HLA-DQA1: variants seen among roughly 807,000 people sequenced by gnomAD.
HLA-DQA1 encodes major histocompatibility complex, class II, DQ alpha 1.
Under a neutral mutation model 20.7 loss-of-function variants are expected in HLA-DQA1, and 10 were observed. That is an observed-to-expected ratio of 0.48 (90% confidence interval 0.30 to 0.82). HLA-DQA1 has a LOEUF of 0.82. Ranked by LOEUF, HLA-DQA1 falls within the 40% of genes least tolerant of loss-of-function variation. The pLI is 0.07. For missense variants in HLA-DQA1, 127 were observed against 293.0 expected, an observed-to-expected ratio of 0.43 and a Z score of 4.14; for synonymous variants, 39 against 109.2, an observed-to-expected ratio of 0.36 and a Z score of 4.01.
chr6:32,650,756 G>A (rs1280141887), downstream of HLA-DQA1, among the ~76,000 whole-genome samples: 5 of 91,386 alleles, frequency 5.5e-5, 2 homozygotes, highest in Non-Finnish European at 1.2e-4. Context: ...TGTAAATTAC[G>A]AGTTGATGGG....
chr6:32,648,961 A>T (rs1782084205), downstream of HLA-DQA1, among the ~76,000 whole-genome samples: 2 of 97,044 alleles, frequency 2.1e-5, 1 homozygote, highest in South Asian at 6.2e-4. Context: ...AAAGTGAAAA[A>T]ATCACAAGCA....
Position 32,637,724 on chromosome 6 carries a change from C to G in HLA-DQA1, c.82+184C>G, listed in dbSNP as rs9272451. 0.27 allele frequency among the ~76,000 whole-genome samples: 23,465 copies of G among 88,438 alleles called. 6,481 individuals are homozygous for G. The highest frequency in any genetic ancestry group is 0.45 in the East Asian group (1,334 of 2,952). The allele number at this position is 88,438 out of a possible 152,430, so 58.0% of individuals were successfully genotyped here. ...AGCCCCAACCTACTCTTTTTGTTATCTATGCTGTTGTGTTCACTAAGGACG... is the reference window on the plus strand; with the variant it reads ...AGCCCCAACCTACTCTTTTTGTTATGTATGCTGTTGTGTTCACTAAGGACG... On this transcript the variant is annotated intron_variant, in intron 1 of 4. Transcript: ENST00000343139.
chr6:32,651,588 C>CAAAAAAAAAAAAAAAAAAAAAA (rs70996710), downstream of HLA-DQA1, among the ~76,000 whole-genome samples: 10 of 15,262 alleles, frequency 6.6e-4, 1 homozygote, highest in African/African-American at 3.9e-4. Context: ...CGTCTCAAAG[C>CAAAAAAAAAAAAAAAAAAAAAA]AAAAAAAAAA....
At chr6:32,647,864 A>T (rs1480895192), downstream of HLA-DQA1, among the ~76,000 whole-genome samples, 4 of 152,008 alleles carry the variant, frequency 2.6e-5, no homozygotes, top group Admixed American at 2.6e-4. Context: ...TAAGTACAAT[A>T]CTTTGTTATG....
At chr6:32,638,563 G>A in intron 1 of HLA-DQA1, among the ~76,000 whole-genome samples, 1 of 99,848 alleles carries the variant, frequency 1.0e-5, no homozygotes, top group Middle Eastern at 6.5e-3. Context: ...TGTGGTGCCA[G>A]CTACTCAGAA....
At chr6:32,639,474 C>T (rs9272571) in intron 1 of HLA-DQA1, 12,901 of 83,302 alleles carry the variant, frequency 0.15, 4,685 homozygotes, top group Admixed American at 0.22. Context: ...TGTGTGCCTG[C>T]CCGTCTTCCC....
At chr6:32,655,221 A>AAC in the HLA-DQA1 span, among the ~76,000 whole-genome samples, 9 of 137,258 alleles carry the variant, frequency 6.6e-5, no homozygotes, top group Non-Finnish European at 1.4e-4. Flanking sequence ...TTCGAAGTGT[A>AAC]ACATTTTTAA....
rs201980192 is a variant in HLA-DQA1 at position 32,641,286 on chromosome 6, C to T, written c.83-24C>T. 9,378 of 1,223,470 alleles carry T rather than the reference C, an allele frequency of 7.7e-3. 518 individuals are homozygous for T. The highest frequency in any genetic ancestry group is 0.059 in the Admixed American group (2,431 of 41,346). The allele number at this position is 1,223,470 out of a possible 1,614,324, so 75.8% of individuals were successfully genotyped here. A position where few individuals can be genotyped will look rare whatever the true frequency, so the allele number is the denominator to read the frequency against. ...CTTTCTTCCCCTGTTCTCCGCCTTC[C>T]TGCTTGTCATCTTCACTCATCAGCT... On this transcript the variant is annotated intron_variant, in intron 1 of 4. Transcript: ENST00000343139.
downstream of HLA-DQA1, among the ~76,000 whole-genome samples, chr6:32,649,804 A>C (rs1782106849): frequency 1.0e-5 from 1 of 95,348 alleles, no homozygotes; most frequent in Non-Finnish European, 2.3e-5. Flanking sequence ...AAAACACCAA[A>C]AGCAATGGCA....
chr6:32,642,578 G>T, intron 3 of HLA-DQA1, 32 bp from the exon 4 acceptor site: 2 of 1,396,092 alleles, frequency 1.4e-6, no homozygotes, highest in Non-Finnish European at 2.0e-6. Flanking sequence ...AGCACACTCT[G>T]CATTCTGACC....
downstream of HLA-DQA1, chr6:32,647,020 AG>A (rs1781981216): frequency 1.3e-5 from 2 of 151,690 alleles, no homozygotes; most frequent in Admixed American, 1.3e-4. Flanking sequence ...TTTTCTAAAA[AG>A]TCATTATACT....
intron 1 of HLA-DQA1, 30 bp from the exon 2 acceptor site, chr6:32,641,280 G>A (rs9272687): frequency 0.17 from 192,841 of 1,106,074 alleles, 42,399 homozygotes; most frequent in Admixed American, 0.27. Context: ...CCTGTTCTCC[G>A]CCTTCCTGCT....
chr6:32,639,327 A>G lies in HLA-DQA1; in HGVS notation c.82+1787A>G, dbSNP rs1171678277. 2.4e-5 allele frequency: 3 copies of G among 126,546 alleles called. 1 individual carries two copies. Among genetic ancestry groups the G allele is most frequent in the African/African-American group, 9.0e-5 (3 of 33,182 alleles). The allele number at this position is 126,546 out of a possible 1,614,324, so 7.8% of individuals were successfully genotyped here. A position where few individuals can be genotyped will look rare whatever the true frequency, so the allele number is the denominator to read the frequency against. ...TCAGCCTAGATTATATTGTCTTTAT[A>G]CCAATTCAGTCATAAAATATAATTT... On this transcript the variant is annotated intron_variant, in intron 1 of 4. Transcript: ENST00000343139.
chr6:32,653,752 C>A, the HLA-DQA1 span, among the ~76,000 whole-genome samples: 1,447 of 81,124 alleles, frequency 0.018, 78 homozygotes, highest in Admixed American at 0.021. Flanking sequence ...CCTAAGTGTC[C>A]ATCAGCAGAT....
At chr6:32,641,195 G>T (rs28383435) in intron 1 of HLA-DQA1, 115 bp from the exon 2 acceptor site, 102,380 of 634,532 alleles carry the variant, frequency 0.16, 26,934 homozygotes, top group Admixed American at 0.28. Flanking sequence ...TCCACAGACT[G>T]TGCCAAAAAA....
the HLA-DQA1 span, among the ~76,000 whole-genome samples, chr6:32,654,108 C>A: frequency 1.3e-5 from 1 of 75,614 alleles, no homozygotes; most frequent in Non-Finnish European, 3.0e-5. Flanking sequence ...TCGTTCAAGA[C>A]CAACTGGACA....
downstream of HLA-DQA1, among the ~76,000 whole-genome samples, chr6:32,651,494 G>C: frequency 3.6e-5 from 3 of 82,472 alleles, 1 homozygote; most frequent in Non-Finnish European, 7.7e-5. Flanking sequence ...TGAGGCAGGA[G>C]AATGGCGTGA....
At chr6:32,653,075 G>A in the HLA-DQA1 span, among the ~76,000 whole-genome samples, 67,355 of 125,676 alleles carry the variant, frequency 0.54, 19,227 homozygotes, top group Middle Eastern at 0.66. Flanking sequence ...CATCACCTAA[G>A]GCAATTCCAG....
chr6:32,638,221 A>G lies in HLA-DQA1; in HGVS notation c.82+681A>G, dbSNP rs545480022. 2.0e-4 allele frequency among the ~76,000 whole-genome samples: 22 copies of G among 107,454 alleles called. 4 individuals carry two copies. Among genetic ancestry groups the G allele is most frequent in the African/African-American group, 7.2e-4 (22 of 30,718 alleles). The allele number at this position is 107,454 out of a possible 152,430, so 70.5% of individuals were successfully genotyped here. A position where few individuals can be genotyped will look rare whatever the true frequency, so the allele number is the denominator to read the frequency against. ...ATGTCAATTTTTTTTACATATTTCTATTACAGATATAGCTTCACATTTCTT... is the reference window on the plus strand; with the variant it reads ...ATGTCAATTTTTTTTACATATTTCTGTTACAGATATAGCTTCACATTTCTT... On this transcript the variant is annotated intron_variant, in intron 1 of 4. Transcript: ENST00000343139.
Sources: allele counts gnomAD v4.1 joint callset (sites outside exome capture counted in the v4.1 genomes callset), GRCh38; gene constraint gnomAD v4.1.1; transcripts MANE v1.5; gene names NCBI Gene and HGNC (gene_info 2026-07-23, HGNC 2026-07-21).